The following ABCC5 variants were observed in gnomAD, a reference collection of about 807,000 sequenced individuals.
ABCC5 encodes ATP-binding cassette sub-family C member 5.
Under a neutral mutation model 160.9 loss-of-function variants are expected in ABCC5, and 61 were observed. The ratio of observed to expected loss-of-function variants is 0.38; its 90% CI spans 0.31 to 0.47. The LOEUF is 0.47. ABCC5 is among the 20% of genes least tolerant of loss of function. The probability of loss-of-function intolerance (pLI) is 0.99; values close to 1 mark genes in which losing one functional copy is unlikely to be tolerated. For missense variants in ABCC5, 1,308 were observed against 1,813.3 expected, an observed-to-expected ratio of 0.72 and a Z score of 5.06; for synonymous variants, 666 against 700.6, an observed-to-expected ratio of 0.95 and a Z score of 0.78.
chr3:184,012,322 T>G (rs1721823792), intron 2 of ABCC5, among the ~76,000 whole-genome samples: 1 of 152,190 alleles, frequency 6.6e-6, no homozygotes, highest in African/African-American at 2.4e-5. Context: ...ATGCAGAATT[T>G]CACCCGACCT....
chr3:183,947,707 T>C lies in ABCC5; in HGVS notation c.3228-197A>G, dbSNP rs183677974. Among the ~76,000 whole-genome samples, 19 of 152,236 alleles carry C rather than the reference T, an allele frequency of 1.2e-4. No homozygotes were observed. In the East Asian group the frequency reaches 3.1e-3, roughly 25 times the overall value. ...CTAGGCCGCATGCATAGGAGGACAT[T>C]AAGTTTTTCTAATCTTAGTTACTCT... On this transcript the variant is annotated intron_variant, in intron 22 of 29. Transcript: ENST00000334444.
intron 9 of ABCC5, 50 bp downstream of exon 9, chr3:183,978,453 A>G: frequency 1.9e-6 from 3 of 1,586,528 alleles, no homozygotes; most frequent in Non-Finnish European, 2.6e-6. Context: ...CTCAGCCTCC[A>G]GCAAATGTGG....
In ABCC5 at chr3:183,982,076, A is replaced by C. The variant is rs574783687; in HGVS notation, c.1000-202T>G. On this transcript the variant is annotated intron_variant, in intron 7 of 29. Coordinates refer to ENST00000334444, the MANE Select transcript of ABCC5 (RefSeq NM_005688.4). This position sits in a 1 kb window ranked among gnomAD's most constrained non-coding sequence, Gnocchi z 5.2. ...ATTACTGAATTCTTATCTCTTTATAAGGCAATGAAGACAAGAAAGTATTTA... is the reference window on the plus strand; with the variant it reads ...ATTACTGAATTCTTATCTCTTTATACGGCAATGAAGACAAGAAAGTATTTA... Among the ~76,000 whole-genome samples the C allele has an allele frequency of 4.6e-5, 7 of 152,320 alleles. No individual in the cohort carries two copies. In the East Asian group the frequency reaches 1.3e-3, roughly 29 times the overall value.
intron 2 of ABCC5, chr3:184,009,955 C>G (rs13434094): frequency 4.6e-6 from 2 of 433,096 alleles, no homozygotes; most frequent in Admixed American, 2.4e-5. Context: ...TCAACAACAG[C>G]CTGGCCAACA....
chr3:183,990,587 G>A (rs1387200243), intron 2 of ABCC5, among the ~76,000 whole-genome samples: 1 of 152,104 alleles, frequency 6.6e-6, no homozygotes, highest in Non-Finnish European at 1.5e-5. Flanking sequence ...CACACAGAAA[G>A]AGCCTGGATG....
rs373218162 is a variant in ABCC5, at chr3:183,947,333, A to G, written c.3405T>C (p.Tyr1135=). The G allele has an allele frequency of 9.3e-6, 15 of 1,610,426 alleles. No homozygotes were observed. The highest frequency in any genetic ancestry group is 3.3e-5 in the Admixed American group (2 of 59,766). Reference sequence around the variant, plus strand: ...TATCCCAGAGACTGACCTGGACAGCATAAGAGATGGCGAGACCCGCATAGG... The same window carrying G: ...TATCCCAGAGACTGACCTGGACAGCGTAAGAGATGGCGAGACCCGCATAGG... ...PPAYAGLAIS[Y]AVQLTGLFQF... The change falls in exon 23 of 30, where the codon TAT becomes TAC. Residue 1135 remains tyrosine, a synonymous_variant. Coordinates refer to ENST00000334444, the MANE Select transcript of ABCC5 (RefSeq NM_005688.4).
chr3:184,002,563 C>A (rs187991730), intron 2 of ABCC5, among the ~76,000 whole-genome samples: 5 of 152,212 alleles, frequency 3.3e-5, no homozygotes, highest in African/African-American at 1.2e-4. Flanking sequence ...TTGCAAAAGA[C>A]GCTTCTGCGG....
intron 5 of ABCC5, chr3:183,984,992 T>A: frequency 9.7e-7 from 1 of 1,032,464 alleles, no homozygotes; most frequent in African/African-American, 1.6e-5. Flanking sequence ...GCCTCCCAGA[T>A]GGGAGGAGCA....
chr3:183,934,170 G>A (rs1006655427), intron 26 of ABCC5, among the ~76,000 whole-genome samples: 11 of 152,168 alleles, frequency 7.2e-5, no homozygotes, highest in Non-Finnish European at 1.3e-4. Flanking sequence ...GCTGGGCATG[G>A]TGGCCCATGC....
intron 16 of ABCC5, among the ~76,000 whole-genome samples, chr3:183,960,657 T>A (rs889022729): frequency 6.6e-6 from 1 of 152,180 alleles, no homozygotes; most frequent in Non-Finnish European, 1.5e-5. Flanking sequence ...CTCACATGGT[T>A]ACAACCTGCA....
Position 183,949,961 on chromosome 3 carries a change from T to A in ABCC5, c.3098+11A>T. The A allele has an allele frequency of 3.1e-6, 5 of 1,614,020 alleles. No homozygotes were observed. The highest frequency in any genetic ancestry group is 4.2e-6 in the Non-Finnish European group (5 of 1,179,976). ...CCGTGGCCCCAGCAGACATGAACGC[T>A]TCCTATTTACCTGGAGACAATGTGC... On this transcript the variant is annotated intron_variant, in intron 21 of 29. Coordinates refer to ENST00000334444, the MANE Select transcript of ABCC5 (RefSeq NM_005688.4). The surrounding 1 kb of genome is among the most constrained non-coding windows in gnomAD (Gnocchi z 4.2).
At chr3:183,960,837 G>A (rs1371211013) in intron 16 of ABCC5, among the ~76,000 whole-genome samples, 2 of 151,724 alleles carry the variant, frequency 1.3e-5, no homozygotes, top group Admixed American at 1.3e-4. Flanking sequence ...CCAGGTTGGA[G>A]TGCAGTGGTG....
At chr3:184,001,769 G>A (rs1720762581) in intron 2 of ABCC5, among the ~76,000 whole-genome samples, 1 of 152,142 alleles carries the variant, frequency 6.6e-6, no homozygotes, top group Non-Finnish European at 1.5e-5. Flanking sequence ...TTTGTTTTTT[G>A]TTATGATGCT....
At chr3:183,922,069 AT>A (rs1235694889) in intron 29 of ABCC5, among the ~76,000 whole-genome samples, 6 of 146,628 alleles carry the variant, frequency 4.1e-5, no homozygotes, top group African/African-American at 1.2e-4. Flanking sequence ...AAATAAATAA[AT>A]AAATAAATAA....
chr3:183,984,443 G>A (rs1719020061), intron 5 of ABCC5: 1 of 1,010,576 alleles, frequency 9.9e-7, no homozygotes, highest in African/African-American at 1.7e-5. Flanking sequence ...AGACAAAAAT[G>A]GAGGCCAGAC....
At chr3:183,940,622 G>A (rs1714239799) in intron 25 of ABCC5, among the ~76,000 whole-genome samples, 1 of 152,002 alleles carries the variant, frequency 6.6e-6, no homozygotes, top group African/African-American at 2.4e-5. Context: ...CCGAAACAAT[G>A]GGTCAAGTTG....
chr3:183,977,757 ATT>A (rs200446876), intron 9 of ABCC5, 133 bp from the exon 10 acceptor site: 814 of 485,490 alleles, frequency 1.7e-3, no homozygotes, highest in South Asian at 2.5e-3. Flanking sequence ...AGTCAATTAC[ATT>A]TTTTTTTTTT....
intron 2 of ABCC5, chr3:184,009,804 G>T (rs953974977): frequency 8.9e-6 from 2 of 225,404 alleles, no homozygotes; most frequent in African/African-American, 4.6e-5. Flanking sequence ...TTTTAAAAAA[G>T]TTCAGAGATT....
At chr3:184,006,994 C>T (rs1479052783) in intron 2 of ABCC5, among the ~76,000 whole-genome samples, 5 of 139,678 alleles carry the variant, frequency 3.6e-5, no homozygotes, top group African/African-American at 1.1e-4. Flanking sequence ...AATAATGGTA[C>T]ATGAACTTTA....
Sources: gnomAD v4.1 joint callset for allele counts (sites outside exome capture counted in the v4.1 genomes callset) on GRCh38, gnomAD v4.1.1 for gene constraint, Gnocchi (gnomAD v3.1) non-coding constraint, MANE v1.5 for transcripts, NCBI Gene and HGNC (gene_info 2026-07-23, HGNC 2026-07-21) for gene names.